Variants in GCNA observed in about 807,000 individuals in gnomAD.
GCNA encodes germ cell nuclear acidic protein.
A neutral mutation model predicts 38.8 loss-of-function variants in GCNA; 3 were observed. The observed-to-expected ratio is 0.08, with a 90% confidence interval of 0.04 to 0.20. The LOEUF is 0.20. Ranked by LOEUF, GCNA falls within the 10% of genes least tolerant of loss-of-function variation. The pLI is 1.00. For synonymous variants in GCNA, 195 were observed against 240.2 expected (o/e 0.81, Z 1.74); for missense variants, 446 against 578.6 (o/e 0.77, Z 2.35).
rs778549128 is a variant in GCNA, at chrX:71,609,161, C to A, written c.1611+44C>A. 6.2e-6 allele frequency: 7 copies of A among 1,137,768 alleles called. No individual in the cohort carries two copies. In the African/African-American group the frequency reaches 1.3e-4, roughly 20 times the overall value. The allele number at this position is 1,137,768 out of a possible 1,213,427, so 93.8% of individuals were successfully genotyped here. On this transcript the variant is annotated intron_variant, in intron 10 of 12. Transcript: ENST00000373696. Reference sequence around the variant, plus strand: ...CACTGATTGAGCACCTGCTATACACCAGTACTCTTGGTGCTGTGAGGTGTG... The same window carrying A: ...CACTGATTGAGCACCTGCTATACACAAGTACTCTTGGTGCTGTGAGGTGTG...
chrX:71,590,713 G>C (rs764994573), intron 2 of GCNA, among the ~76,000 whole-genome samples: 1 of 108,907 alleles, frequency 9.2e-6, no homozygotes, highest in East Asian at 2.9e-4. Context: ...ATGGGGTCTC[G>C]CTCTGTGGCC....
rs551004701 is a variant in GCNA at position 71,602,294 on chromosome X, C to T, written c.311-1294C>T. On this transcript the variant is annotated intron_variant, in intron 7 of 12. Transcript: ENST00000373696. ...CCCCACCTCCCAGGTTCAAGCGATT[C>T]GCCTGCCTCAGCCTCCCAAGTAGCT... Among the ~76,000 whole-genome samples the T allele has an allele frequency of 9.9e-5, 11 of 111,537 alleles. No individual in the cohort carries two copies. The South Asian group carries it at 3.4e-3, about 34-fold the overall frequency.
In GCNA at chrX:71,594,789, A is replaced by C; in HGVS notation, c.221+10A>C. ...CGAAGAGACAGGCGAGGTGAGTAGGAGAATTAATGAAACTTTACTTTTTTT... is the reference window on the plus strand; with the variant it reads ...CGAAGAGACAGGCGAGGTGAGTAGGCGAATTAATGAAACTTTACTTTTTTT... On this transcript the variant is annotated intron_variant, in intron 6 of 12. Coordinates refer to ENST00000373696, the MANE Select transcript of GCNA (RefSeq NM_052957.5). The C allele has an allele frequency of 8.7e-7, 1 of 1,154,524 alleles. No homozygotes were observed. Among genetic ancestry groups the C allele is most frequent in the Non-Finnish European group, 1.2e-6 (1 of 866,294 alleles).
intron 7 of GCNA, among the ~76,000 whole-genome samples, chrX:71,601,030 T>C (rs968456524): frequency 8.9e-6 from 1 of 111,905 alleles, no homozygotes; most frequent in African/African-American, 3.3e-5. Context: ...TTAGTTCAAT[T>C]GTTTTCATTT....
At chrX:71,600,166 G>A (rs752653361) in intron 7 of GCNA, among the ~76,000 whole-genome samples, 1 of 111,905 alleles carries the variant, frequency 8.9e-6, no homozygotes, top group African/African-American at 3.2e-5. Context: ...TGTTCCAAAT[G>A]TTCTGAGGCC....
chrX:71,604,593 G>A lies in GCNA; in HGVS notation c.1316G>A (p.Arg439Lys). 1 of 1,199,863 alleles carries A rather than the reference G, an allele frequency of 8.3e-7. No homozygotes were observed. Among genetic ancestry groups the A allele is most frequent in the Non-Finnish European group, 1.1e-6 (1 of 889,152 alleles). Residue 439 changes from arginine (R) to lysine (K), a missense_variant, in exon 8 of 13, where the codon AGG becomes AAG. Coordinates refer to ENST00000373696, the MANE Select transcript of GCNA (RefSeq NM_052957.5). ...ACCAAAAATATAGTGGAGCCACCAA[G>A]GAAAAGGCAGACAAAGACCAAAAAT... Reference protein sequence around the residue: ...TKTKNIVEPPRKRQTKTKNIV... With the variant: ...TKTKNIVEPPKKRQTKTKNIV...
chrX:71,579,148 G>C (rs974617936), intron 1 of GCNA, among the ~76,000 whole-genome samples: 1 of 104,892 alleles, frequency 9.5e-6, no homozygotes, highest in Non-Finnish European at 2.0e-5. Context: ...GTGGCGGCGC[G>C]GGGAGAAGTG....
At chrX:71,611,366 G>A (rs1395005047) in intron 11 of GCNA, among the ~76,000 whole-genome samples, 2 of 111,330 alleles carry the variant, frequency 1.8e-5, no homozygotes, top group Non-Finnish European at 3.8e-5. Context: ...TCTTCACACT[G>A]GCCTTCAAAA....
chrX:71,608,884 T>C, intron 9 of GCNA, 89 bp from the exon 10 acceptor site: 1 of 1,040,641 alleles, frequency 9.6e-7, no homozygotes, highest in Non-Finnish European at 1.3e-6. Context: ...GGGAGCAACA[T>C]GTTTTCAGGG....
rs567724636 is a variant in GCNA, at chrX:71,606,166, G to A, written c.1466+437G>A. Among the ~76,000 whole-genome samples, 13 of 112,817 alleles carry A rather than the reference G, an allele frequency of 1.2e-4. No homozygotes were observed. The South Asian group carries it at 3.7e-3, about 32-fold the overall frequency. ...AAGGCACTGGAAATGGTGAGAAGGC[G>A]AAAGCAACACATTAATCTGTTGGAA... On this transcript the variant is annotated intron_variant, in intron 9 of 12. Coordinates refer to ENST00000373696, the MANE Select transcript of GCNA (RefSeq NM_052957.5).
rs200851627 is a variant in GCNA at position 71,603,804 on chromosome X, C to G, written c.527C>G (p.Ser176Trp). The G allele has an allele frequency of 2.1e-5, 25 of 1,206,320 alleles. No homozygotes were observed. Among genetic ancestry groups the G allele is most frequent in the Non-Finnish European group, 2.3e-5 (21 of 894,378 alleles). The change falls in exon 8 of 13, where the codon TCG becomes TGG. Residue 176 changes from serine to tryptophan, a missense_variant. Transcript: ENST00000373696. ...GCTCCCGACGACAACAGTGATGATT[C>G]GGAAGCTCCCGACGACAATAGTGAT... ...SEAPDDNSDD[S>W]EAPDDNSDDS...
At chrX:71,589,716 C>T (rs768988526) in intron 2 of GCNA, among the ~76,000 whole-genome samples, 2 of 109,950 alleles carry the variant, frequency 1.8e-5, no homozygotes, top group South Asian at 7.8e-4. Context: ...TCACCCACCT[C>T]GGCCTCCCAA....
intron 7 of GCNA, among the ~76,000 whole-genome samples, chrX:71,599,288 C>T (rs1232210486): frequency 9.0e-6 from 1 of 111,615 alleles, no homozygotes; most frequent in East Asian, 2.8e-4. Context: ...ACCACCTATC[C>T]TTTTGGATTT....
chrX:71,604,561 G>T lies in GCNA; in HGVS notation c.1284G>T (p.Gln428His). 8.4e-7 allele frequency: 1 copy of T among 1,193,613 alleles called. No homozygotes were observed. The highest frequency in any genetic ancestry group is 1.8e-5 in the South Asian group (1 of 54,523). ...KTIVEPPRKR[Q>H]TKTKNIVEPP... ...TTGTGGAGCCACCGAGGAAAAGGCAGACAAAGACCAAAAATATAGTGGAGC... is the reference window on the plus strand; with the variant it reads ...TTGTGGAGCCACCGAGGAAAAGGCATACAAAGACCAAAAATATAGTGGAGC... Residue 428 changes from glutamine to histidine, a missense_variant, in exon 8 of 13, where the codon CAG (glutamine) becomes CAT (histidine). Coordinates refer to ENST00000373696, the MANE Select transcript of GCNA (RefSeq NM_052957.5).
intron 2 of GCNA, among the ~76,000 whole-genome samples, chrX:71,589,843 C>T (rs1228338444): frequency 9.1e-6 from 1 of 110,183 alleles, no homozygotes; most frequent in African/African-American, 3.3e-5. Context: ...CAGGGTCTCA[C>T]TCCTGTCACC....
intron 11 of GCNA, 52 bp downstream of exon 11, chrX:71,610,871 C>T (rs769932226): frequency 2.3e-5 from 27 of 1,193,811 alleles, no homozygotes; most frequent in Middle Eastern, 2.6e-4. Context: ...CTTCTGACAC[C>T]GTGCCTGTGA....
chrX:71,581,554 T>G (rs1157700293), intron 2 of GCNA, among the ~76,000 whole-genome samples: 1 of 111,882 alleles, frequency 8.9e-6, no homozygotes, highest in Non-Finnish European at 1.9e-5. Context: ...ATAAGAAAAT[T>G]TACTAAACAA....
At chrX:71,607,041 G>A (rs907497239) in intron 9 of GCNA, among the ~76,000 whole-genome samples, 4 of 111,560 alleles carry the variant, frequency 3.6e-5, no homozygotes, top group African/African-American at 1.3e-4. Flanking sequence ...GATGTACCCA[G>A]TTTGGGGTCT....
At chrX:71,580,547 T>C in intron 1 of GCNA, 1 of 216,215 alleles carries the variant, frequency 4.6e-6, no homozygotes, top group Non-Finnish European at 8.4e-6. Context: ...CAATCTCGGC[T>C]CACTGCAAGC....
Sources: gnomAD v4.1 joint callset for allele counts (sites outside exome capture counted in the v4.1 genomes callset) on GRCh38, gnomAD v4.1.1 for gene constraint, MANE v1.5 for transcripts, NCBI Gene and HGNC (gene_info 2026-07-23, HGNC 2026-07-21) for gene names.